Variants in ZNF704 observed in about 807,000 individuals in gnomAD.
ZNF704 encodes the protein glucocorticoid induced gene 1.
Under a neutral mutation model 44.7 loss-of-function variants are expected in ZNF704, and 10 were observed. The ratio of observed to expected loss-of-function variants is 0.22; its 90% CI spans 0.14 to 0.38. ZNF704 has a LOEUF of 0.38. Ranked by LOEUF, ZNF704 falls within the 10% of genes least tolerant of loss-of-function variation. ZNF704 has a pLI of 1.00. For synonymous variants in ZNF704, 211 were observed against 207.6 expected (o/e 1.02, Z -0.14); for missense variants, 390 against 545.5 (o/e 0.71, Z 2.84).
chr8:80,782,177 C>T (rs1176067641), intron 2 of ZNF704, among the ~76,000 whole-genome samples: 1 of 152,182 alleles, frequency 6.6e-6, no homozygotes, highest in African/African-American at 2.4e-5. Flanking sequence ...AGCCTCTCTA[C>T]CTGGGTTGCA....
At chr8:80,835,939 C>T (rs1230238248) in intron 1 of ZNF704, among the ~76,000 whole-genome samples, 1 of 152,162 alleles carries the variant, frequency 6.6e-6, no homozygotes, top group African/African-American at 2.4e-5. Flanking sequence ...TTACAGCCTC[C>T]AGTTACCATC....
At chr8:80,673,705 G>A (rs570007514) in intron 4 of ZNF704, among the ~76,000 whole-genome samples, 2 of 152,328 alleles carry the variant, frequency 1.3e-5, no homozygotes, top group South Asian at 2.1e-4. Flanking sequence ...TTTTCCATAG[G>A]TTTCTGAATT....
chr8:80,666,936 G>A (rs2131612280), intron 5 of ZNF704, among the ~76,000 whole-genome samples: 1 of 152,098 alleles, frequency 6.6e-6, no homozygotes, highest in East Asian at 1.9e-4. Context: ...TCTGATGGTA[G>A]TTTCTTTTGC....
intron 2 of ZNF704, among the ~76,000 whole-genome samples, chr8:80,695,576 C>A (rs569254014): frequency 6.6e-6 from 1 of 152,178 alleles, no homozygotes; most frequent in East Asian, 1.9e-4. Context: ...GACCTTTTTG[C>A]CCCTCTCTCA....
At chr8:80,701,716 G>C (rs916668599) in intron 2 of ZNF704, among the ~76,000 whole-genome samples, 1 of 152,188 alleles carries the variant, frequency 6.6e-6, no homozygotes, top group African/African-American at 2.4e-5. Flanking sequence ...AGGAAGAACA[G>C]GTTGACAGCA....
chr8:80,761,533 C>T (rs1042618622), intron 2 of ZNF704, among the ~76,000 whole-genome samples: 2 of 152,106 alleles, frequency 1.3e-5, no homozygotes, highest in African/African-American at 4.8e-5. Flanking sequence ...CTGGAAATCA[C>T]AATCCTGAGA....
At chr8:80,877,316 G>A (rs528824320), upstream of ZNF704, among the ~76,000 whole-genome samples, 1 of 152,214 alleles carries the variant, frequency 6.6e-6, no homozygotes, top group African/African-American at 2.4e-5. Flanking sequence ...TTCAGGCAGG[G>A]AGAGCAGCAT....
At chr8:80,765,976 C>G (rs1239893443) in intron 2 of ZNF704, among the ~76,000 whole-genome samples, 1 of 152,066 alleles carries the variant, frequency 6.6e-6, no homozygotes, top group African/African-American at 2.4e-5. Flanking sequence ...ATGTAAGAAA[C>G]AGTAAGTGAT....
At chr8:80,754,310 C>T (rs995459320) in intron 2 of ZNF704, among the ~76,000 whole-genome samples, 6 of 152,158 alleles carry the variant, frequency 3.9e-5, no homozygotes, top group African/African-American at 1.4e-4. Context: ...GTATTTCCTC[C>T]GCACTGGTAT....
chr8:80,661,813 G>A (rs923816655), intron 6 of ZNF704, among the ~76,000 whole-genome samples: 2 of 152,160 alleles, frequency 1.3e-5, no homozygotes, highest in Admixed American at 1.3e-4. Flanking sequence ...AAGGTAGGGA[G>A]AGATGTTGGT....
At chr8:80,649,216 A>G (rs1308887539) in intron 7 of ZNF704, among the ~76,000 whole-genome samples, 6 of 152,348 alleles carry the variant, frequency 3.9e-5, no homozygotes, top group African/African-American at 1.2e-4. Flanking sequence ...GAACAGCTCC[A>G]GTCTACAGCT....
rs1186788028 is a variant in ZNF704, at chr8:80,640,176, T to TA, written c.*1189dup. The TA allele has an allele frequency of 6.6e-6, 1 of 152,632 alleles. No individual in the cohort carries two copies. Among genetic ancestry groups the TA allele is most frequent in the Non-Finnish European group, 1.5e-5 (1 of 68,036 alleles). The allele number at this position is 152,632 out of a possible 1,614,324, so 9.5% of individuals were successfully genotyped here. ...CTCCAATATTTTTATAAGAAAAACT[T>TA]AAAGTTTGGACCTTCCATTTACTCA... is the stretch of plus-strand genomic sequence containing the variant. On this transcript the variant is annotated 3_prime_UTR_variant, in exon 9 of 9. Transcript: ENST00000327835.
intron 2 of ZNF704, among the ~76,000 whole-genome samples, chr8:80,780,308 T>C (rs1050676250): frequency 1.3e-5 from 2 of 152,134 alleles, no homozygotes; most frequent in African/African-American, 4.8e-5. Flanking sequence ...TAGGAAACCG[T>C]CAGAAATTTC....
intron 1 of ZNF704, among the ~76,000 whole-genome samples, chr8:80,843,670 CTT>C (rs2129973078): frequency 6.6e-6 from 1 of 152,256 alleles, no homozygotes; most frequent in African/African-American, 2.4e-5. Context: ...TAAAACACCT[CTT>C]AATTTTCTTA....
chr8:80,765,095 A>C (rs1413028055), intron 2 of ZNF704, among the ~76,000 whole-genome samples: 1 of 152,196 alleles, frequency 6.6e-6, no homozygotes, highest in Non-Finnish European at 1.5e-5. Flanking sequence ...AGGGAAGCTA[A>C]TGGTATAACT....
At chr8:80,834,338 C>T (rs1189353310) in intron 1 of ZNF704, among the ~76,000 whole-genome samples, 1 of 151,986 alleles carries the variant, frequency 6.6e-6, no homozygotes, top group Non-Finnish European at 1.5e-5. Context: ...GTATTTCTGT[C>T]CAAAATTCTT....
At chr8:80,677,785 C>T (rs1818393830) in intron 4 of ZNF704, among the ~76,000 whole-genome samples, 1 of 152,116 alleles carries the variant, frequency 6.6e-6, no homozygotes, top group African/African-American at 2.4e-5. Context: ...TTTGGGACCT[C>T]AGAGATGAGC....
At chr8:80,697,975 T>A (rs1187840796) in intron 2 of ZNF704, among the ~76,000 whole-genome samples, 1 of 152,134 alleles carries the variant, frequency 6.6e-6, no homozygotes, top group Non-Finnish European at 1.5e-5. Context: ...CTCACTAGAG[T>A]TTCCAGTCGG....
At chr8:80,711,376 A>G (rs1818983121) in intron 2 of ZNF704, among the ~76,000 whole-genome samples, 1 of 152,218 alleles carries the variant, frequency 6.6e-6, no homozygotes, top group Non-Finnish European at 1.5e-5. Context: ...TTTTTGTCAC[A>G]TCCACTAAGA....
Sources: allele counts gnomAD v4.1 joint callset (sites outside exome capture counted in the v4.1 genomes callset), GRCh38; gene constraint gnomAD v4.1.1; transcripts MANE v1.5; gene names NCBI Gene and HGNC (gene_info 2026-07-23, HGNC 2026-07-21).